Variants in TMEM232 observed in about 807,000 individuals in gnomAD.
TMEM232 encodes the protein transmembrane protein 232.
A neutral mutation model predicts 78.8 loss-of-function variants in TMEM232; 80 were observed. That is an observed-to-expected ratio of 1.01 (90% CI 0.85 to 1.22). TMEM232 has a LOEUF of 1.22. Ranked by LOEUF, TMEM232 falls within the 50% of genes most tolerant of loss-of-function variation. The pLI, the probability that TMEM232 is intolerant of heterozygous loss-of-function variation, is 0.00. For synonymous variants in TMEM232, 297 were observed against 254.3 expected (o/e 1.17, Z -1.60); for missense variants, 881 against 742.2 (o/e 1.19, Z -2.17).
At chr5:110,657,296 C>T (rs1025504041) in intron 2 of TMEM232, among the ~76,000 whole-genome samples, 4 of 152,104 alleles carry the variant, frequency 2.6e-5, no homozygotes, top group Admixed American at 1.3e-4. Flanking sequence ...GACATCTGCA[C>T]ATCCATGTTT....
At chr5:110,486,473 C>G (rs1764477897) in intron 12 of TMEM232, among the ~76,000 whole-genome samples, 1 of 152,124 alleles carries the variant, frequency 6.6e-6, no homozygotes, top group African/African-American at 2.4e-5. Context: ...GTCCTCAATT[C>G]ATCTTGAGTT....
At chr5:110,446,205 G>A (rs1453258738) in intron 12 of TMEM232, among the ~76,000 whole-genome samples, 1 of 152,136 alleles carries the variant, frequency 6.6e-6, no homozygotes, top group African/African-American at 2.4e-5. Flanking sequence ...AGTAGGGCAG[G>A]AGTGAATGTG....
Position 110,600,834 on chromosome 5 carries a change from C to T in TMEM232, c.1276+4275G>A, listed in dbSNP as rs182219654. 3.0e-3 allele frequency among the ~76,000 whole-genome samples: 452 copies of T among 152,206 alleles called. 1 individual carries two copies. The highest frequency in any genetic ancestry group is 0.01 in the African/African-American group (426 of 41,514). Reference sequence around the variant, plus strand: ...TATGAGGCCAGCATCATCCTGATAGCAAAACTTGGCAGAGACACAACAAAA... The same window carrying T: ...TATGAGGCCAGCATCATCCTGATAGTAAAACTTGGCAGAGACACAACAAAA... On this transcript the variant is annotated intron_variant, in intron 10 of 13. Coordinates refer to ENST00000455884, the MANE Select transcript of TMEM232 (RefSeq NM_001039763.4).
At chr5:110,627,135 G>T (rs983140356) in intron 6 of TMEM232, among the ~76,000 whole-genome samples, 6 of 151,832 alleles carry the variant, frequency 4.0e-5, no homozygotes, top group African/African-American at 1.5e-4. Flanking sequence ...TCCTAGTTCA[G>T]AACATCATTA....
chr5:110,417,002 A>G (rs1756241681), downstream of TMEM232, among the ~76,000 whole-genome samples: 1 of 152,116 alleles, frequency 6.6e-6, no homozygotes, highest in Non-Finnish European at 1.5e-5. Flanking sequence ...AACACTAGTG[A>G]AACTTAAAAC....
chr5:110,496,783 C>A (rs150723681), intron 12 of TMEM232, among the ~76,000 whole-genome samples: 6 of 151,954 alleles, frequency 3.9e-5, no homozygotes, highest in Non-Finnish European at 8.8e-5. Flanking sequence ...TCTGATACTG[C>A]CAATTTTTGA....
intron 1 of TMEM232, among the ~76,000 whole-genome samples, chr5:110,684,148 G>T (rs1793100846): frequency 6.6e-6 from 1 of 151,770 alleles, no homozygotes; most frequent in Admixed American, 6.6e-5. Context: ...TTAAAAGCCA[G>T]AAACCATAAA....
intron 12 of TMEM232, among the ~76,000 whole-genome samples, chr5:110,497,172 C>T (rs192646749): frequency 6.6e-6 from 1 of 152,048 alleles, no homozygotes; most frequent in Non-Finnish European, 1.5e-5. Flanking sequence ...GCAATACCAA[C>T]CATACATTAA....
intron 11 of TMEM232, among the ~76,000 whole-genome samples, chr5:110,529,245 C>T (rs1030682588): frequency 6.6e-6 from 1 of 151,648 alleles, no homozygotes; most frequent in Admixed American, 6.6e-5. Context: ...ATCAACAGAG[C>T]ATTTTTTTTT....
rs142847843 is a variant in TMEM232, at chr5:110,667,046, C to T, written c.125+182G>A. ...GTATAGATAATTATTTCAAACAAAA[C>T]GTGTAGAATTCAAAATTTTAGAAAG... On this transcript the variant is annotated intron_variant, in intron 2 of 13. Coordinates refer to ENST00000455884, the MANE Select transcript of TMEM232 (RefSeq NM_001039763.4). 6.1e-4 allele frequency among the ~76,000 whole-genome samples: 93 copies of T among 151,908 alleles called. No homozygotes were observed. In the East Asian group the frequency reaches 0.01, roughly 17 times the overall value.
At chr5:110,594,168 T>C (rs943393218) in intron 10 of TMEM232, among the ~76,000 whole-genome samples, 2 of 151,736 alleles carry the variant, frequency 1.3e-5, no homozygotes, top group African/African-American at 4.8e-5. Flanking sequence ...AGCAGAAGCA[T>C]GGTGGGGCAT....
intron 1 of TMEM232, among the ~76,000 whole-genome samples, chr5:110,696,117 G>T (rs550602481): frequency 6.6e-6 from 1 of 152,212 alleles, no homozygotes; most frequent in South Asian, 2.1e-4. Context: ...GATCAAGTGG[G>T]CTTCATCCCT....
intron 12 of TMEM232, among the ~76,000 whole-genome samples, chr5:110,472,643 T>C (rs1762805645): frequency 6.6e-6 from 1 of 151,890 alleles, no homozygotes; most frequent in Non-Finnish European, 1.5e-5. Flanking sequence ...ACAACACAGC[T>C]GAAGGCATCT....
intron 7 of TMEM232, among the ~76,000 whole-genome samples, chr5:110,622,489 A>G (rs1459499766): frequency 1.3e-5 from 2 of 152,092 alleles, no homozygotes; most frequent in Admixed American, 6.6e-5. Flanking sequence ...ATGATTTCCA[A>G]TTTCATCCAT....
intron 1 of TMEM232, among the ~76,000 whole-genome samples, chr5:110,676,141 ATAC>A (rs1023029186): frequency 1.3e-5 from 2 of 152,366 alleles, no homozygotes; most frequent in South Asian, 2.1e-4. Context: ...TTAGGTATAT[ATAC>A]TACATTTTTG....
intron 1 of TMEM232, among the ~76,000 whole-genome samples, chr5:110,716,375 A>G (rs1010647619): frequency 1.3e-5 from 2 of 152,164 alleles, no homozygotes; most frequent in Non-Finnish European, 2.9e-5. Context: ...GTAATAATGA[A>G]ATAATTATAC....
chr5:110,462,723 G>A (rs375954594), intron 12 of TMEM232, among the ~76,000 whole-genome samples: 98 of 152,096 alleles, frequency 6.4e-4, no homozygotes, highest in Non-Finnish European at 1.2e-3. Context: ...CAATACTCCT[G>A]AATAAACTCC....
At chr5:110,444,120 T>C (rs1223298817) in intron 12 of TMEM232, among the ~76,000 whole-genome samples, 1 of 152,078 alleles carries the variant, frequency 6.6e-6, no homozygotes, top group Non-Finnish European at 1.5e-5. Context: ...GCCACCCTAG[T>C]TCACTGGCTC....
rs1580594833 is a variant in TMEM232, at chr5:110,419,768, A to G, written c.*812T>C. Among the ~76,000 whole-genome samples the G allele has an allele frequency of 2.0e-5, 3 of 152,142 alleles. No homozygotes were observed. The highest frequency in any genetic ancestry group is 2.4e-5 in the African/African-American group (1 of 41,450). ...TGAAATCGAGGTATGAGTATTATCT[A>G]TATTTTTCAGTTTTCAGGAAAGGAA... On this transcript the variant is annotated 3_prime_UTR_variant, in exon 14 of 14. Transcript: ENST00000455884.
Sources: allele counts gnomAD v4.1 joint callset (sites outside exome capture counted in the v4.1 genomes callset), GRCh38; gene constraint gnomAD v4.1.1; transcripts MANE v1.5; gene names NCBI Gene and HGNC (gene_info 2026-07-23, HGNC 2026-07-21).